The following HEMK1 variants were observed in gnomAD, a reference collection of about 807,000 sequenced individuals.
HEMK1 encodes MTRF1L release factor glutamine methyltransferase.
HEMK1 carries 36 observed loss-of-function variants against 47.9 expected under a neutral mutation model. The ratio of observed to expected loss-of-function variants is 0.75; its 90% CI spans 0.58 to 0.99. HEMK1 has a LOEUF of 0.99. Ranked by LOEUF, HEMK1 falls within the 50% of genes least tolerant of loss-of-function variation. The probability of loss-of-function intolerance (pLI) is 0.00; values close to 1 mark genes in which losing one functional copy is unlikely to be tolerated. For synonymous variants in HEMK1, 153 were observed against 165.4 expected, an observed-to-expected ratio of 0.93 and a Z score of 0.57; for missense variants, 383 against 434.5, an observed-to-expected ratio of 0.88 and a Z score of 1.05.
rs562929186 is a variant in HEMK1 at position 50,590,324 on chromosome 3, A to C, written c.*9907A>C. On this transcript the variant is annotated 3_prime_UTR_variant, in exon 11 of 11. Coordinates refer to ENST00000232854, the MANE Select transcript of HEMK1 (RefSeq NM_016173.5). ...TAATCCCAGCACTTTGGGAGGCTGA[A>C]GCAGGCAGATCACCCGAGCTCAGGA... The C allele has an allele frequency of 2.6e-5, 4 of 151,908 alleles. No homozygotes were observed. The East Asian group carries it at 7.8e-4, about 30-fold the overall frequency. The allele number at this position is 151,908 out of a possible 1,614,324, so 9.4% of individuals were successfully genotyped here.
In HEMK1 at chr3:50,584,664, C is replaced by T. The variant is rs1012037777; in HGVS notation, c.*4247C>T. 2 of 152,178 alleles carry T rather than the reference C, an allele frequency of 1.3e-5. No homozygotes were observed. The highest frequency in any genetic ancestry group is 4.8e-5 in the African/African-American group (2 of 41,432). The allele number at this position is 152,178 out of a possible 1,614,324, so 9.4% of individuals were successfully genotyped here. A position where few individuals can be genotyped will look rare whatever the true frequency, so the allele number is the denominator to read the frequency against. ...GGCCTCAAGAAGAATGCAGTCCTGC[C>T]AATACCTTGATTTTAAGCCCTGTGA... On this transcript the variant is annotated 3_prime_UTR_variant, in exon 11 of 11. Coordinates refer to ENST00000232854, the MANE Select transcript of HEMK1 (RefSeq NM_016173.5).
intron 4 of HEMK1, 69 bp downstream of exon 4, chr3:50,572,277 G>A: frequency 6.4e-7 from 1 of 1,558,664 alleles, no homozygotes; most frequent in Non-Finnish European, 8.7e-7. Flanking sequence ...TCTTACCCCA[G>A]GCTTCCTCCA....
In HEMK1 at chr3:50,592,504, G is replaced by A. The variant is rs932026975; in HGVS notation, c.*12087G>A. The A allele has an allele frequency of 7.2e-5, 11 of 152,168 alleles. No homozygotes were observed. The highest frequency in any genetic ancestry group is 1.3e-4 in the Non-Finnish European group (9 of 68,072). 9.4% of individuals were successfully genotyped at this position (152,168 alleles called of 1,614,324 possible). A position where few individuals can be genotyped will look rare whatever the true frequency, so the allele number is the denominator to read the frequency against. ...TTACTCAAATGCTTCTACTTTCTCT[G>A]ACCCTCTGGAACTTTCCCCTGTTGC... On this transcript the variant is annotated 3_prime_UTR_variant, in exon 11 of 11. Coordinates refer to ENST00000232854, the MANE Select transcript of HEMK1 (RefSeq NM_016173.5).
At position 50,590,212 on chromosome 3, in the gene HEMK1, T is replaced by TA. The variant is rs1411242278; in HGVS notation, c.*9795_*9796insA. 5.3e-5 allele frequency: 8 copies of TA among 151,334 alleles called. No homozygotes were observed. Among genetic ancestry groups the TA allele is most frequent in the African/African-American group, 1.9e-4 (8 of 41,084 alleles). 9.4% of individuals were successfully genotyped at this position (151,334 alleles called of 1,614,324 possible). On this transcript the variant is annotated 3_prime_UTR_variant, in exon 11 of 11. Transcript: ENST00000232854. ...AAAAAAAAATTTAAAAATAATAATT[T>TA]TAAAAAAATGTTTTAAAAATGAAAG...
In HEMK1 at chr3:50,588,769, T is replaced by A. The variant is rs1018485058; in HGVS notation, c.*8352T>A. ...ATGTGAGGATATGAAGTTTGCCTTG[T>A]CATGGGGAGCATTTCAGGTCCCTAG... On this transcript the variant is annotated 3_prime_UTR_variant, in exon 11 of 11. Transcript: ENST00000232854. The A allele has an allele frequency of 2.2e-4, 33 of 152,226 alleles. 1 individual carries two copies. The highest frequency in any genetic ancestry group is 4.4e-5 in the Non-Finnish European group (3 of 68,036). The allele number at this position is 152,226 out of a possible 1,614,324, so 9.4% of individuals were successfully genotyped here. A position where few individuals can be genotyped will look rare whatever the true frequency, so the allele number is the denominator to read the frequency against.
intron 8 of HEMK1, 89 bp downstream of exon 8, chr3:50,579,015 AG>A: frequency 2.1e-6 from 2 of 967,826 alleles, no homozygotes. Flanking sequence ...CTGGAGGGAC[AG>A]GGGAGTTGGT....
chr3:50,580,733 G>T lies in HEMK1; in HGVS notation c.*316G>T. The T allele has an allele frequency of 2.3e-6, 1 of 426,002 alleles. No individual in the cohort carries two copies. The highest frequency in any genetic ancestry group is 2.6e-5 in the South Asian group (1 of 38,410). The allele number at this position is 426,002 out of a possible 1,614,324, so 26.4% of individuals were successfully genotyped here. A position where few individuals can be genotyped will look rare whatever the true frequency, so the allele number is the denominator to read the frequency against. On this transcript the variant is annotated 3_prime_UTR_variant, in exon 11 of 11. Transcript: ENST00000232854. ...GGTCCCCTGACCCCCTTACTCCCAG[G>T]TAGCACTGGGGCAAGGGTTTCCTTC...
rs2107545317 is a variant in HEMK1, at chr3:50,592,248, G to A, written c.*11831G>A. The A allele has an allele frequency of 6.6e-6, 1 of 151,872 alleles. No individual in the cohort carries two copies. The highest frequency in any genetic ancestry group is 2.1e-4 in the South Asian group (1 of 4,784). 9.4% of individuals were successfully genotyped at this position (151,872 alleles called of 1,614,324 possible). A position where few individuals can be genotyped will look rare whatever the true frequency, so the allele number is the denominator to read the frequency against. The stretch of plus-strand genomic sequence containing the variant: ...CCTGACCTTTTTGGCTTCATGCTTG[G>A]AGCTTGGCACCCCCTGAGAACCACA... On this transcript the variant is annotated 3_prime_UTR_variant, in exon 11 of 11. Coordinates refer to ENST00000232854, the MANE Select transcript of HEMK1 (RefSeq NM_016173.5).
chr3:50,588,753 T>TA lies in HEMK1; in HGVS notation c.*8337dup, dbSNP rs1275309714. ...TTGAGTCTGTCTCAGCATGTGAGGA[T>TA]ATGAAGTTTGCCTTGTCATGGGGAG... On this transcript the variant is annotated 3_prime_UTR_variant, in exon 11 of 11. Transcript: ENST00000232854. The TA allele has an allele frequency of 2.0e-5, 3 of 152,346 alleles. No homozygotes were observed. Among genetic ancestry groups the TA allele is most frequent in the Non-Finnish European group, 4.4e-5 (3 of 68,036 alleles). The allele number at this position is 152,346 out of a possible 1,614,324, so 9.4% of individuals were successfully genotyped here. A position where few individuals can be genotyped will look rare whatever the true frequency, so the allele number is the denominator to read the frequency against.
At chr3:50,573,609 C>T (rs936127184) in intron 4 of HEMK1, among the ~76,000 whole-genome samples, 2 of 151,576 alleles carry the variant, frequency 1.3e-5, no homozygotes, top group Non-Finnish European at 2.9e-5. Flanking sequence ...GGAGATGCTG[C>T]GATTGGGAGG....
Position 50,578,809 on chromosome 3 carries a change from C to G in HEMK1, c.665-12C>G. 2 of 1,595,732 alleles carry G rather than the reference C, an allele frequency of 1.3e-6. No homozygotes were observed. Among genetic ancestry groups the G allele is most frequent in the Non-Finnish European group, 1.7e-6 (2 of 1,165,320 alleles). ...GTTAGTCCCTACTGTGTGTCCTCTT[C>G]TTTGACGACAGAAAGGAGCTGGACA... On this transcript the variant is annotated splice_polypyrimidine_tract_variant and intron_variant, in intron 7 of 10. Coordinates refer to ENST00000232854, the MANE Select transcript of HEMK1 (RefSeq NM_016173.5).
At position 50,571,804 on chromosome 3, in the gene HEMK1, G is replaced by A; in HGVS notation, c.320+3G>A. 6.2e-7 allele frequency: 1 copy of A among 1,613,328 alleles called. No homozygotes were observed. Among genetic ancestry groups the A allele is most frequent in the Non-Finnish European group, 8.5e-7 (1 of 1,179,290 alleles). On this transcript the variant is annotated splice_donor_region_variant and intron_variant, in intron 3 of 10. Coordinates refer to ENST00000232854, the MANE Select transcript of HEMK1 (RefSeq NM_016173.5). Reference sequence around the variant, plus strand: ...CTGAGTAGCCGTCGATTGCAGAGGTGAGCACCCATGGATCAGACCTGAAGG... The same window carrying A: ...CTGAGTAGCCGTCGATTGCAGAGGTAAGCACCCATGGATCAGACCTGAAGG...
At chr3:50,571,437 G>A (rs1700944332) in intron 2 of HEMK1, 105 bp downstream of exon 2, 2 of 875,118 alleles carry the variant, frequency 2.3e-6, no homozygotes, top group Non-Finnish European at 3.5e-6. Context: ...TGAGACTGAT[G>A]GGATTTTTCT....
At position 50,591,515 on chromosome 3, in the gene HEMK1, A is replaced by G. The variant is rs2031718968; in HGVS notation, c.*11098A>G. The G allele has an allele frequency of 6.6e-6, 1 of 152,562 alleles. No individual in the cohort carries two copies. The highest frequency in any genetic ancestry group is 1.5e-5 in the Non-Finnish European group (1 of 68,306). 9.5% of individuals were successfully genotyped at this position (152,562 alleles called of 1,614,324 possible). A position where few individuals can be genotyped will look rare whatever the true frequency, so the allele number is the denominator to read the frequency against. On this transcript the variant is annotated 3_prime_UTR_variant, in exon 11 of 11. Transcript: ENST00000232854. ...GGCACCCACACGTACGTGTATGTTC[A>G]TGGGCGTGGGCCTTGAGCACCGGGT...
In HEMK1 at chr3:50,582,079, A is replaced by C. The variant is rs1485375899; in HGVS notation, c.*1662A>C. 1 of 152,252 alleles carries C rather than the reference A, an allele frequency of 6.6e-6. No homozygotes were observed. Among genetic ancestry groups the C allele is most frequent in the Non-Finnish European group, 1.5e-5 (1 of 68,116 alleles). The allele number at this position is 152,252 out of a possible 1,614,324, so 9.4% of individuals were successfully genotyped here. On this transcript the variant is annotated 3_prime_UTR_variant, in exon 11 of 11. Transcript: ENST00000232854. Reference sequence around the variant, plus strand: ...CCCTTTGGCTCTTGCTGTCTTCAGCAGCATCTCAGGGTAGCTGCCCTGACC... The same window carrying C: ...CCCTTTGGCTCTTGCTGTCTTCAGCCGCATCTCAGGGTAGCTGCCCTGACC...
chr3:50,573,217 G>C (rs1040355431), intron 4 of HEMK1, among the ~76,000 whole-genome samples: 11 of 152,156 alleles, frequency 7.2e-5, no homozygotes, highest in Non-Finnish European at 2.9e-5. Context: ...TCAAGGAAGG[G>C]AGCATGGGGG....
intron 9 of HEMK1, 69 bp from the exon 10 acceptor site, chr3:50,580,047 G>A: frequency 6.5e-7 from 1 of 1,538,234 alleles, no homozygotes; most frequent in Non-Finnish European, 9.0e-7. Flanking sequence ...CACCTCGCCA[G>A]CCCAAGCAGC....
Position 50,593,689 on chromosome 3 carries a change from C to G in HEMK1, c.*13272C>G, listed in dbSNP as rs2031833745. 6.6e-6 allele frequency: 1 copy of G among 151,970 alleles called. No homozygotes were observed. Among genetic ancestry groups the G allele is most frequent in the Admixed American group, 6.6e-5 (1 of 15,254 alleles). The allele number at this position is 151,970 out of a possible 1,614,324, so 9.4% of individuals were successfully genotyped here. A position where few individuals can be genotyped will look rare whatever the true frequency, so the allele number is the denominator to read the frequency against. On this transcript the variant is annotated 3_prime_UTR_variant, in exon 11 of 11. Transcript: ENST00000232854. ...GTTGTTGCTTCTCTTGGATTTTCTA[C>G]ATTGACATTTTACCACTGAAAATAA...
rs1559471502 is a variant in HEMK1 at position 50,587,801 on chromosome 3, T to C, written c.*7384T>C. ...TTAGAGAAGCATTGAGGCTGCTCTT[T>C]CTGGCTGCCAGGAAAAAGGGGCTGG... On this transcript the variant is annotated 3_prime_UTR_variant, in exon 11 of 11. Coordinates refer to ENST00000232854, the MANE Select transcript of HEMK1 (RefSeq NM_016173.5). The surrounding 1 kb of genome is among the most constrained non-coding windows in gnomAD (Gnocchi z 4.2). 6.6e-6 allele frequency: 1 copy of C among 152,462 alleles called. No homozygotes were observed. Among genetic ancestry groups the C allele is most frequent in the Non-Finnish European group, 1.5e-5 (1 of 68,206 alleles). 9.4% of individuals were successfully genotyped at this position (152,462 alleles called of 1,614,324 possible).
Sources: gnomAD v4.1 joint callset for allele counts (sites outside exome capture counted in the v4.1 genomes callset) on GRCh38, gnomAD v4.1.1 for gene constraint, Gnocchi (gnomAD v3.1) non-coding constraint, MANE v1.5 for transcripts, NCBI Gene and HGNC (gene_info 2026-07-23, HGNC 2026-07-21) for gene names.